The following TMEM164 variants were observed in gnomAD, a reference collection of about 807,000 sequenced individuals.
TMEM164 encodes transmembrane protein 164.
In TMEM164, 4 loss-of-function variants were observed where a neutral mutation model predicts 18.8. The ratio of observed to expected loss-of-function variants is 0.21; its 90% confidence interval spans 0.10 to 0.49. The LOEUF (loss-of-function observed/expected upper bound fraction) is 0.49. Among genes scored for constraint, TMEM164 ranks in the 20% least tolerant of loss-of-function variants. The pLI is 0.98. For missense variants in TMEM164, 108 were observed against 239.9 expected (o/e 0.45, Z 3.63); for synonymous variants, 86 against 101.7 (o/e 0.85, Z 0.93).
At chrX:110,074,261 C>T (rs1353838699) in intron 3 of TMEM164, among the ~76,000 whole-genome samples, 3 of 111,448 alleles carry the variant, frequency 2.7e-5, no homozygotes, top group East Asian at 2.8e-4. Flanking sequence ...CCTTCTTTTG[C>T]GAAGTGTCTG....
At chrX:110,152,056 CT>C (rs755801649) in intron 5 of TMEM164, among the ~76,000 whole-genome samples, 41 of 77,447 alleles carry the variant, frequency 5.3e-4, no homozygotes, top group Non-Finnish European at 7.2e-4. Flanking sequence ...CTTTTCTTTT[CT>C]TTTTTTTTTT....
At chrX:110,076,569 T>A (rs1293509519) in intron 3 of TMEM164, among the ~76,000 whole-genome samples, 1 of 111,472 alleles carries the variant, frequency 9.0e-6, no homozygotes, top group Non-Finnish European at 1.9e-5. Context: ...AGCTTGTTAA[T>A]TTGAGTTCTT....
chrX:110,081,608 G>A (rs1415886209), intron 3 of TMEM164, among the ~76,000 whole-genome samples: 1 of 112,397 alleles, frequency 8.9e-6, no homozygotes, highest in African/African-American at 3.2e-5. Flanking sequence ...TGTTGCTGAA[G>A]TGAATATTTT....
chrX:110,056,392 T>G (rs909167444), intron 2 of TMEM164, among the ~76,000 whole-genome samples: 2 of 112,523 alleles, frequency 1.8e-5, no homozygotes, highest in Non-Finnish European at 3.8e-5. Context: ...TATTCCATTT[T>G]AAGGATATGC....
Position 110,103,224 on chromosome X carries a change from A to C in TMEM164, c.441-5856A>C, listed in dbSNP as rs779849521. Among the ~76,000 whole-genome samples the C allele has an allele frequency of 7.1e-5, 8 of 112,373 alleles. No homozygotes were observed. The South Asian group carries it at 2.9e-3, about 41-fold the overall frequency. Reference sequence around the variant, plus strand: ...TAGACAGAGGAGAGGGTAAGGAAAAAACAAAGTTTATTATATTCACTGGTC... The same window carrying C: ...TAGACAGAGGAGAGGGTAAGGAAAACACAAAGTTTATTATATTCACTGGTC... On this transcript the variant is annotated intron_variant, in intron 3 of 6. Transcript: ENST00000372068.
At chrX:110,145,911 C>T (rs1345464750) in intron 5 of TMEM164, among the ~76,000 whole-genome samples, 1 of 112,324 alleles carries the variant, frequency 8.9e-6, no homozygotes, top group Non-Finnish European at 1.9e-5. Context: ...GATTTGCCTC[C>T]TATGCCTTGA....
intron 2 of TMEM164, among the ~76,000 whole-genome samples, chrX:110,066,250 A>G (rs1936338274): frequency 8.9e-6 from 1 of 111,983 alleles, no homozygotes; most frequent in South Asian, 3.8e-4. Context: ...CAAGTGATAA[A>G]GCCAACAAGT....
intron 2 of TMEM164, among the ~76,000 whole-genome samples, chrX:110,028,199 GA>G (rs1043610998): frequency 6.2e-5 from 7 of 112,110 alleles, no homozygotes; most frequent in African/African-American, 2.3e-4. Context: ...AAACACTACA[GA>G]TATTTAAAAG....
At chrX:110,140,068 C>T (rs984968424) in intron 4 of TMEM164, among the ~76,000 whole-genome samples, 4 of 111,135 alleles carry the variant, frequency 3.6e-5, no homozygotes, top group Non-Finnish European at 5.7e-5. Flanking sequence ...ATATTGATAC[C>T]GCAGAGATTT....
intron 5 of TMEM164, 101 bp from the exon 6 acceptor site, chrX:110,171,319 T>A (rs1485842767): frequency 1.2e-5 from 7 of 566,715 alleles, no homozygotes; most frequent in Non-Finnish European, 2.0e-5. Context: ...AAAGGAACAG[T>A]CATCAGGCAG....
At chrX:110,121,719 G>C (rs75461275) in intron 4 of TMEM164, among the ~76,000 whole-genome samples, 4,299 of 111,795 alleles carry the variant, frequency 0.038, 210 homozygotes, top group African/African-American at 0.12. Flanking sequence ...AGAATTGCTG[G>C]GTCAAATGAT....
chrX:110,050,637 T>A (rs1019867469), intron 2 of TMEM164, among the ~76,000 whole-genome samples: 5 of 111,682 alleles, frequency 4.5e-5, no homozygotes, highest in Non-Finnish European at 9.4e-5. Flanking sequence ...TCAGAGCACA[T>A]ACGGAGGAAG....
At chrX:110,145,191 C>T (rs943986857) in intron 5 of TMEM164, among the ~76,000 whole-genome samples, 3 of 111,277 alleles carry the variant, frequency 2.7e-5, no homozygotes, top group African/African-American at 9.8e-5. Flanking sequence ...CTGTCACCTT[C>T]TTGTACTTGT....
chrX:110,037,873 C>T (rs935088070), intron 2 of TMEM164, among the ~76,000 whole-genome samples: 20 of 112,341 alleles, frequency 1.8e-4, no homozygotes, highest in South Asian at 7.3e-4. Context: ...CTCCTTACTG[C>T]CCTCACTCCG....
At chrX:110,165,834 C>T (rs2067152530) in intron 5 of TMEM164, among the ~76,000 whole-genome samples, 1 of 112,499 alleles carries the variant, frequency 8.9e-6, no homozygotes, top group Admixed American at 9.4e-5. Context: ...TGACAAATTG[C>T]CAAGTCCTCT....
At chrX:110,096,994 C>T (rs371815133) in intron 3 of TMEM164, among the ~76,000 whole-genome samples, 9 of 111,705 alleles carry the variant, frequency 8.1e-5, no homozygotes, top group African/African-American at 1.6e-4. Context: ...CTCTGGACTC[C>T]GGGATGGTAG....
At chrX:110,004,926 G>A (rs1323052251) in intron 2 of TMEM164, among the ~76,000 whole-genome samples, 1 of 112,322 alleles carries the variant, frequency 8.9e-6, no homozygotes, top group African/African-American at 3.2e-5. Context: ...ACCCATTAGC[G>A]GTGCTAAGGA....
chrX:110,090,871 A>G (rs1350290751), intron 3 of TMEM164, among the ~76,000 whole-genome samples: 1 of 61,914 alleles, frequency 1.6e-5, no homozygotes, highest in Non-Finnish European at 3.0e-5. Flanking sequence ...CCCCCACCCC[A>G]TGACAGGCCC....
At chrX:110,022,143 T>A (rs1246035296) in intron 2 of TMEM164, among the ~76,000 whole-genome samples, 1 of 111,815 alleles carries the variant, frequency 8.9e-6, no homozygotes, top group Non-Finnish European at 1.9e-5. Context: ...GGGTTAGGAA[T>A]CAATAGTTGA....
Sources: allele counts gnomAD v4.1 joint callset (sites outside exome capture counted in the v4.1 genomes callset), GRCh38; gene constraint gnomAD v4.1.1; transcripts MANE v1.5; gene names NCBI Gene and HGNC (gene_info 2026-07-23, HGNC 2026-07-21).